TXK: variants seen among roughly 807,000 people sequenced by gnomAD.
TXK encodes tyrosine-protein kinase TXK.
Under a neutral mutation model 81.0 loss-of-function variants are expected in TXK, and 60 were observed. That is an observed-to-expected ratio of 0.74 (90% CI 0.60 to 0.92). TXK has a LOEUF of 0.92. Ranked by LOEUF, TXK falls within the 40% of genes least tolerant of loss-of-function variation. The pLI, the probability that TXK is intolerant of heterozygous loss-of-function variation, is 0.00. For synonymous variants in TXK, 203 were observed against 210.7 expected (o/e 0.96, Z 0.32); for missense variants, 581 against 638.3 (o/e 0.91, Z 0.97).
intron 1 of TXK, among the ~76,000 whole-genome samples, chr4:48,120,622 C>T (rs1266829214): frequency 6.6e-6 from 1 of 151,950 alleles, no homozygotes; most frequent in Non-Finnish European, 1.5e-5. Context: ...TCCAGAGTAC[C>T]TGGGATTACA....
At chr4:48,099,466 T>A (rs1718104933) in intron 6 of TXK, among the ~76,000 whole-genome samples, 1 of 152,172 alleles carries the variant, frequency 6.6e-6, no homozygotes, top group African/African-American at 2.4e-5. Flanking sequence ...AACAAATGGA[T>A]CCCCAAACCT....
intron 8 of TXK, among the ~76,000 whole-genome samples, 163 bp downstream of exon 8, chr4:48,093,914 G>A (rs953061229): frequency 6.6e-6 from 1 of 152,060 alleles, no homozygotes; most frequent in Non-Finnish European, 1.5e-5. Flanking sequence ...AAAATGAAGA[G>A]GCATCAATAA....
chr4:48,080,601 T>C (rs1717261302), intron 10 of TXK, among the ~76,000 whole-genome samples: 1 of 151,676 alleles, frequency 6.6e-6, no homozygotes, highest in South Asian at 2.1e-4. Context: ...AGGAAAATTG[T>C]AGATAAAGTT....
Position 48,104,882 on chromosome 4 carries a change from C to G in TXK, c.501+19G>C. On this transcript the variant is annotated intron_variant, in intron 6 of 14. Transcript: ENST00000264316. ...ACTTCTCAGAGATTTTGAAAATGTC[C>G]ACAAATACATTGAATTACCTCTTGT... 6.3e-7 allele frequency: 1 copy of G among 1,576,572 alleles called. No individual in the cohort carries two copies. The highest frequency in any genetic ancestry group is 1.7e-4 in the Middle Eastern group (1 of 5,940).
rs1424901939 is a variant in TXK at position 48,076,385 on chromosome 4, A to G, written c.1238+17T>C. ...AAACAAACAAACAAAATACATATAT[A>G]TATACATAGCATGTACCTTGTCATT... On this transcript the variant is annotated intron_variant, in intron 12 of 14. Transcript: ENST00000264316. 2.6e-6 allele frequency: 4 copies of G among 1,554,904 alleles called. No homozygotes were observed. The Admixed American group carries it at 7.1e-5, about 27-fold the overall frequency.
intron 1 of TXK, among the ~76,000 whole-genome samples, chr4:48,131,354 T>G (rs1313400904): frequency 6.6e-6 from 1 of 151,982 alleles, no homozygotes; most frequent in African/African-American, 2.4e-5. Context: ...GGGTCTCACT[T>G]TGTCACCCAG....
chr4:48,075,983 A>T (rs1035385932), intron 12 of TXK, among the ~76,000 whole-genome samples: 2 of 152,222 alleles, frequency 1.3e-5, no homozygotes, highest in Non-Finnish European at 2.9e-5. Flanking sequence ...ACACTCTTGA[A>T]TTTTAGACTT....
intron 14 of TXK, 55 bp from the exon 15 acceptor site, chr4:48,067,760 T>C (rs1716668498): frequency 6.4e-7 from 1 of 1,557,924 alleles, no homozygotes; most frequent in African/African-American, 1.3e-5. Flanking sequence ...ATGCCAAGGG[T>C]TCCATTTTTG....
intron 1 of TXK, among the ~76,000 whole-genome samples, chr4:48,126,489 G>C (rs916040628): frequency 1.3e-5 from 2 of 152,100 alleles, no homozygotes; most frequent in South Asian, 2.1e-4. Context: ...AACTTTGTGT[G>C]TGTGTGTGGT....
chr4:48,105,684 T>A (rs1208639070), intron 5 of TXK, among the ~76,000 whole-genome samples: 1 of 152,134 alleles, frequency 6.6e-6, no homozygotes, highest in Non-Finnish European at 1.5e-5. Flanking sequence ...AGATCTAATA[T>A]AAAATTTTTA....
At chr4:48,107,988 G>A (rs1413682109) in intron 5 of TXK, among the ~76,000 whole-genome samples, 4 of 151,594 alleles carry the variant, frequency 2.6e-5, no homozygotes, top group South Asian at 2.1e-4. Context: ...GGAGAATGGC[G>A]TGAACCCAGG....
chr4:48,120,488 T>C (rs1718928082), intron 1 of TXK, among the ~76,000 whole-genome samples: 1 of 151,394 alleles, frequency 6.6e-6, no homozygotes, highest in South Asian at 2.1e-4. Flanking sequence ...CAGAAATAAG[T>C]CTCTTTTTTT....
At chr4:48,098,046 CA>C (rs1265045600) in intron 6 of TXK, among the ~76,000 whole-genome samples, 3 of 152,116 alleles carry the variant, frequency 2.0e-5, no homozygotes, top group Non-Finnish European at 4.4e-5. Context: ...CACGCCCGGC[CA>C]AAAGCTCCCA....
intron 4 of TXK, among the ~76,000 whole-genome samples, chr4:48,111,303 A>T (rs1272391047): frequency 6.6e-6 from 1 of 152,262 alleles, no homozygotes; most frequent in Non-Finnish European, 1.5e-5. Flanking sequence ...AGGTAAATGA[A>T]TTCTACAAAC....
At chr4:48,112,547 AT>A in intron 3 of TXK, 35 bp from the exon 4 acceptor site, 1 of 1,551,830 alleles carries the variant, frequency 6.4e-7, no homozygotes. Flanking sequence ...TTTTACTATC[AT>A]TTTAATAATT....
intron 10 of TXK, among the ~76,000 whole-genome samples, chr4:48,080,705 A>ACACACACAC (rs1577652445): frequency 2.2e-5 from 2 of 89,050 alleles, no homozygotes; most frequent in East Asian, 7.1e-4. Flanking sequence ...CACACACACA[A>ACACACACAC]AGACTTGAAT....
intron 1 of TXK, among the ~76,000 whole-genome samples, chr4:48,124,438 A>AT (rs965248222): frequency 1.9e-4 from 28 of 148,786 alleles, no homozygotes; most frequent in Non-Finnish European, 3.3e-4. Context: ...TTTATTTTTA[A>AT]TTTTTTTTTT....
intron 8 of TXK, among the ~76,000 whole-genome samples, chr4:48,090,457 T>C (rs1223744084): frequency 6.6e-6 from 1 of 152,216 alleles, no homozygotes. Flanking sequence ...GTAGAGTAAA[T>C]GAGACTTCAT....
chr4:48,128,005 C>T (rs1412877440), intron 1 of TXK, among the ~76,000 whole-genome samples: 2 of 152,154 alleles, frequency 1.3e-5, no homozygotes, highest in African/African-American at 4.8e-5. Flanking sequence ...AGAATAGCTC[C>T]TAAGGTCATC....
Sources: allele counts gnomAD v4.1 joint callset (sites outside exome capture counted in the v4.1 genomes callset), GRCh38; gene constraint gnomAD v4.1.1; transcripts MANE v1.5; gene names NCBI Gene and HGNC (gene_info 2026-07-23, HGNC 2026-07-21).